DNAH3: variants seen among roughly 807,000 people sequenced by gnomAD.
DNAH3 encodes axonemal beta dynein heavy chain 3.
In DNAH3, 332 loss-of-function variants were observed where a neutral mutation model predicts 432.5. The observed-to-expected ratio is 0.77, with a 90% CI of 0.70 to 0.84. DNAH3 has a LOEUF of 0.84. DNAH3 is among the 40% of genes least tolerant of loss of function. The probability of loss-of-function intolerance (pLI) is 0.00; values close to 1 mark genes in which losing one functional copy is unlikely to be tolerated. For synonymous variants in DNAH3, 1,956 were observed against 1,900.2 expected (o/e 1.03, Z -0.76); for missense variants, 4,861 against 5,114.0 (o/e 0.95, Z 1.51).
intron 12 of DNAH3, among the ~76,000 whole-genome samples, chr16:21,114,388 G>A (rs1597402500): frequency 1.3e-5 from 2 of 152,288 alleles, no homozygotes; most frequent in Middle Eastern, 6.8e-3. Flanking sequence ...GGATGTGTTT[G>A]GGATGGTCTG....
intron 57 of DNAH3, 35 bp downstream of exon 57, chr16:20,948,448 G>A (rs752669292): frequency 3.7e-6 from 6 of 1,603,076 alleles, no homozygotes; most frequent in South Asian, 1.1e-5. Flanking sequence ...GAGCCCTGTG[G>A]GGGAAAGAGG....
chr16:20,937,963 T>G (rs1306457221), intron 59 of DNAH3, among the ~76,000 whole-genome samples: 1 of 152,188 alleles, frequency 6.6e-6, no homozygotes, highest in East Asian at 1.9e-4. Context: ...GTAATTCACC[T>G]GAGGAGACCA....
intron 35 of DNAH3, among the ~76,000 whole-genome samples, chr16:21,035,450 C>T (rs1451624758): frequency 6.6e-6 from 1 of 152,128 alleles, no homozygotes; most frequent in African/African-American, 2.4e-5. Context: ...GAAAATATTA[C>T]CTTGTTTTTG....
intron 20 of DNAH3, among the ~76,000 whole-genome samples, chr16:21,081,090 G>A (rs2091168394): frequency 6.6e-6 from 1 of 151,882 alleles, no homozygotes; most frequent in Non-Finnish European, 1.5e-5. Flanking sequence ...GCTAGCTTTT[G>A]TATTTTTAGT....
intron 17 of DNAH3, 68 bp downstream of exon 17, chr16:21,098,547 AT>A: frequency 6.7e-7 from 1 of 1,497,180 alleles, no homozygotes; most frequent in Non-Finnish European, 8.9e-7. Context: ...GAAATAGGAA[AT>A]TCACAACCAA....
At chr16:21,049,872 C>T in intron 30 of DNAH3, 38 bp downstream of exon 30, 1 of 1,541,108 alleles carries the variant, frequency 6.5e-7, no homozygotes, top group Non-Finnish European at 9.0e-7. Context: ...GCAGAGAGGG[C>T]CTGGAAGAGA....
At chr16:21,103,097 T>C (rs948016239) in intron 16 of DNAH3, among the ~76,000 whole-genome samples, 3 of 151,930 alleles carry the variant, frequency 2.0e-5, no homozygotes, top group African/African-American at 7.3e-5. Context: ...TTCTCACTCA[T>C]AAGTGGGAGC....
intron 15 of DNAH3, among the ~76,000 whole-genome samples, chr16:21,105,114 G>T (rs191946809): frequency 6.6e-6 from 1 of 152,136 alleles, no homozygotes; most frequent in African/African-American, 2.4e-5. Context: ...TGTGAATTTC[G>T]GGAGGCAGAG....
intron 58 of DNAH3, among the ~76,000 whole-genome samples, chr16:20,942,272 A>C (rs1286316563): frequency 1.3e-5 from 2 of 152,136 alleles, no homozygotes; most frequent in African/African-American, 4.8e-5. Flanking sequence ...AGTGCCCGTG[A>C]CACCTGGGAA....
chr16:20,959,077 A>G, intron 54 of DNAH3, 102 bp downstream of exon 54: 7 of 1,273,076 alleles, frequency 5.5e-6, no homozygotes, highest in Non-Finnish European at 7.8e-6. Context: ...CTAGACTGAA[A>G]GTTTCTAAGG....
intron 27 of DNAH3, among the ~76,000 whole-genome samples, chr16:21,056,367 CT>C (rs2090132492): frequency 1.3e-5 from 2 of 150,562 alleles, no homozygotes; most frequent in South Asian, 4.2e-4. Context: ...TCTTTCCTTC[CT>C]TCTTTTTTCC....
At chr16:21,018,138 T>A (rs1478660016) in intron 41 of DNAH3, among the ~76,000 whole-genome samples, 2 of 152,232 alleles carry the variant, frequency 1.3e-5, no homozygotes, top group African/African-American at 2.4e-5. Flanking sequence ...AATGCACACA[T>A]CCTAAGCCCA....
At chr16:21,078,969 A>G (rs1242929006) in intron 20 of DNAH3, among the ~76,000 whole-genome samples, 1 of 152,230 alleles carries the variant, frequency 6.6e-6, no homozygotes, top group African/African-American at 2.4e-5. Context: ...CTACTCTCCC[A>G]TGTTACAAAT....
chr16:21,029,907 C>T (rs1413615957), intron 37 of DNAH3, among the ~76,000 whole-genome samples: 1 of 152,078 alleles, frequency 6.6e-6, no homozygotes, highest in African/African-American at 2.4e-5. Flanking sequence ...TCACAGTAGC[C>T]ATGACTTCCA....
chr16:21,125,625 C>T (rs769231574), intron 8 of DNAH3, among the ~76,000 whole-genome samples: 2 of 152,132 alleles, frequency 1.3e-5, no homozygotes, highest in Non-Finnish European at 2.9e-5. Context: ...GGTGGCACAT[C>T]CTGCTGAAAG....
At chr16:21,116,297 CCCA>C (rs1411217070) in intron 12 of DNAH3, among the ~76,000 whole-genome samples, 5 of 151,848 alleles carry the variant, frequency 3.3e-5, no homozygotes, top group African/African-American at 1.2e-4. Context: ...TCCCATAATC[CCCA>C]CGTGTTGTGG....
chr16:21,010,400 C>T (rs2087535382), intron 41 of DNAH3, among the ~76,000 whole-genome samples: 1 of 152,090 alleles, frequency 6.6e-6, no homozygotes, highest in South Asian at 2.1e-4. Context: ...TTCAACTGAG[C>T]AGTAAGTGAC....
chr16:21,000,371 G>C (rs1368159167), exon 43 of DNAH3: 1 of 1,614,150 alleles, frequency 6.2e-7, no homozygotes, highest in East Asian at 2.2e-5. Context: ...GTATTTTTGG[G>C]AAGGTGGAGA....
intron 7 of DNAH3, among the ~76,000 whole-genome samples, chr16:21,132,117 T>C (rs1378636304): frequency 6.6e-6 from 1 of 152,150 alleles, no homozygotes; most frequent in East Asian, 1.9e-4. Flanking sequence ...AAGAAAAGAA[T>C]ACAGCTATTT....
Sources: gnomAD v4.1 joint callset for allele counts (sites outside exome capture counted in the v4.1 genomes callset) on GRCh38, gnomAD v4.1.1 for gene constraint, MANE v1.5 for transcripts, NCBI Gene and HGNC (gene_info 2026-07-23, HGNC 2026-07-21) for gene names.